The following NCAM2 variants were observed in gnomAD, a reference collection of about 807,000 sequenced individuals.
The protein encoded by NCAM2 is neural cell adhesion molecule 2.
Under a neutral mutation model 98.1 loss-of-function variants are expected in NCAM2, and 30 were observed. The observed-to-expected ratio is 0.31, with a 90% CI of 0.23 to 0.41. NCAM2 has a LOEUF of 0.41. Ranked by LOEUF, NCAM2 falls within the 10% of genes least tolerant of loss-of-function variation. The probability of loss-of-function intolerance (pLI) is 1.00; values close to 1 mark genes in which losing one functional copy is unlikely to be tolerated. For missense variants in NCAM2, 867 were observed against 1,005.8 expected, an observed-to-expected ratio of 0.86 and a Z score of 1.87; for synonymous variants, 368 against 342.4, an observed-to-expected ratio of 1.07 and a Z score of -0.83.
intron 1 of NCAM2, among the ~76,000 whole-genome samples, chr21:21,178,331 A>G (rs6518089): frequency 0.87 from 132,747 of 152,142 alleles, 58,996 homozygotes; most frequent in Non-Finnish European, 0.96. Flanking sequence ...CAGAGCAATG[A>G]CTAGTTCAGC....
chr21:21,538,406 A>T lies in NCAM2; in HGVS notation c.*449A>T, dbSNP rs2146440122. The T allele has an allele frequency of 6.5e-6, 1 of 152,786 alleles. No individual in the cohort carries two copies. The highest frequency in any genetic ancestry group is 2.1e-4 in the South Asian group (1 of 4,826). The allele number at this position is 152,786 out of a possible 1,614,324, so 9.5% of individuals were successfully genotyped here. A position where few individuals can be genotyped will look rare whatever the true frequency, so the allele number is the denominator to read the frequency against. On this transcript the variant is annotated 3_prime_UTR_variant, in exon 18 of 18. Transcript: ENST00000400546. ...ATTCTTAAAGTGGCTTTCAACTTCA[A>T]GATGAAGGAGCTTAATAATGGTTAC... is the stretch of plus-strand genomic sequence containing the variant.
rs776330301 is a variant in NCAM2, at chr21:21,466,828, T to C, written c.1774+103T>C. 10 of 1,180,404 alleles carry C rather than the reference T, an allele frequency of 8.5e-6. No individual in the cohort carries two copies. In the South Asian group the frequency reaches 8.8e-5, roughly 10 times the overall value. The allele number at this position is 1,180,404 out of a possible 1,614,324, so 73.1% of individuals were successfully genotyped here. ...GAGATGTTTCAACACTTTTGAGACA[T>C]GAATTATGTCTTTGGTGAAGTGGTT... On this transcript the variant is annotated intron_variant, in intron 13 of 17. Transcript: ENST00000400546.
At chr21:21,409,213 G>T (rs932618334) in intron 9 of NCAM2, among the ~76,000 whole-genome samples, 1 of 152,078 alleles carries the variant, frequency 6.6e-6, no homozygotes, top group Non-Finnish European at 1.5e-5. Context: ...ATTTGATTTA[G>T]ATCGTAGTCC....
intron 1 of NCAM2, among the ~76,000 whole-genome samples, chr21:21,182,044 AC>A (rs371211754): frequency 0.01 from 1,541 of 151,256 alleles, 31 homozygotes; most frequent in African/African-American, 0.036. Context: ...AAAAAAAAAA[AC>A]AAATAAAAAT....
At chr21:21,305,055 C>T (rs1046179546) in intron 5 of NCAM2, among the ~76,000 whole-genome samples, 11 of 152,116 alleles carry the variant, frequency 7.2e-5, no homozygotes, top group Non-Finnish European at 1.3e-4. Flanking sequence ...CAGTGGCTCA[C>T]GCCTGTAATC....
At chr21:21,454,425 T>C (rs982894232) in intron 12 of NCAM2, among the ~76,000 whole-genome samples, 3 of 152,010 alleles carry the variant, frequency 2.0e-5, no homozygotes, top group Non-Finnish European at 4.4e-5. Context: ...TTGTGGTGAG[T>C]TTGATATATA....
chr21:21,063,347 A>C lies in NCAM2; in HGVS notation c.55+64729A>C, dbSNP rs557669892. On this transcript the variant is annotated intron_variant, in intron 1 of 17. Coordinates refer to ENST00000400546, the MANE Select transcript of NCAM2 (RefSeq NM_004540.5). ...GATTCTCTTGCCTCTCAGCCTCCTG[A>C]GTAGCTGGGTCTACAGGCATGCGCC... is the stretch of plus-strand genomic sequence containing the variant. Among the ~76,000 whole-genome samples the C allele has an allele frequency of 1.2e-4, 17 of 147,348 alleles. No homozygotes were observed. The East Asian group carries it at 3.3e-3, about 28-fold the overall frequency.
chr21:21,071,773 G>A (rs1290259141), intron 1 of NCAM2, among the ~76,000 whole-genome samples: 1 of 152,162 alleles, frequency 6.6e-6, no homozygotes, highest in Admixed American at 6.5e-5. Flanking sequence ...ATAAGCAAAT[G>A]TTTAAATATC....
intron 1 of NCAM2, among the ~76,000 whole-genome samples, chr21:21,044,118 C>G (rs565595975): frequency 6.6e-6 from 1 of 152,060 alleles, no homozygotes; most frequent in African/African-American, 2.4e-5. Context: ...TACATTTTAC[C>G]TACCAAAATA....
chr21:21,437,842 G>A (rs1397920055), intron 12 of NCAM2, among the ~76,000 whole-genome samples: 2 of 151,974 alleles, frequency 1.3e-5, no homozygotes, highest in African/African-American at 4.8e-5. Flanking sequence ...GGTGTACTTA[G>A]AAGGCTTGTT....
At chr21:21,534,168 A>T (rs1315681015) in intron 16 of NCAM2, among the ~76,000 whole-genome samples, 1 of 151,944 alleles carries the variant, frequency 6.6e-6, no homozygotes. Context: ...TGATAGTTTC[A>T]AATGTGGCTA....
intron 8 of NCAM2, among the ~76,000 whole-genome samples, chr21:21,347,079 A>G (rs532437265): frequency 6.6e-6 from 1 of 152,102 alleles, no homozygotes; most frequent in South Asian, 2.1e-4. Context: ...CAATGAAACA[A>G]TAAGTTGCTT....
intron 9 of NCAM2, among the ~76,000 whole-genome samples, chr21:21,396,144 G>A (rs1390687524): frequency 6.8e-6 from 1 of 146,426 alleles, no homozygotes; most frequent in Non-Finnish European, 1.5e-5. Flanking sequence ...GAATCTACAA[G>A]GAACCCAAAT....
At chr21:21,513,609 C>G (rs1289855165) in intron 16 of NCAM2, among the ~76,000 whole-genome samples, 2 of 151,954 alleles carry the variant, frequency 1.3e-5, no homozygotes, top group Non-Finnish European at 2.9e-5. Flanking sequence ...GTTTTGTGGC[C>G]TAACATACGA....
intron 1 of NCAM2, among the ~76,000 whole-genome samples, chr21:21,266,304 A>G (rs2072269328): frequency 6.6e-6 from 1 of 152,088 alleles, no homozygotes; most frequent in Admixed American, 6.6e-5. Context: ...TTTAAGTAAC[A>G]TTATAGATGT....
chr21:21,173,313 T>C (rs1472349104), intron 1 of NCAM2, among the ~76,000 whole-genome samples: 1 of 152,140 alleles, frequency 6.6e-6, no homozygotes, highest in Non-Finnish European at 1.5e-5. Context: ...TTATGAAGAG[T>C]TATGTATAGT....
chr21:21,158,625 A>AG (rs2067686285), intron 1 of NCAM2, among the ~76,000 whole-genome samples: 1 of 151,234 alleles, frequency 6.6e-6, no homozygotes, highest in Admixed American at 6.6e-5. Flanking sequence ...AAAAAAAAAA[A>AG]GATTATCATG....
chr21:21,200,515 T>A (rs2147020155), intron 1 of NCAM2, among the ~76,000 whole-genome samples: 1 of 152,098 alleles, frequency 6.6e-6, no homozygotes, highest in South Asian at 2.1e-4. Context: ...AACCAATAGG[T>A]GGCCAGATAA....
Position 21,496,089 on chromosome 21 carries a change from G to A in NCAM2, c.2078-12762G>A, listed in dbSNP as rs142889790. 3.3e-3 allele frequency among the ~76,000 whole-genome samples: 503 copies of A among 150,934 alleles called. 4 individuals carry two copies. Among genetic ancestry groups the A allele is most frequent in the East Asian group, 9.9e-3 (51 of 5,148 alleles). On this transcript the variant is annotated intron_variant, in intron 15 of 17. Coordinates refer to ENST00000400546, the MANE Select transcript of NCAM2 (RefSeq NM_004540.5). ...CACAATGATGAACATATGAGTGCAC[G>A]TGTCTTTTGGGTGGAATGATTTATA...
Sources: gnomAD v4.1 joint callset for allele counts (sites outside exome capture counted in the v4.1 genomes callset) on GRCh38, gnomAD v4.1.1 for gene constraint, MANE v1.5 for transcripts, NCBI Gene and HGNC (gene_info 2026-07-23, HGNC 2026-07-21) for gene names.